GALNT13: variants seen among roughly 807,000 people sequenced by gnomAD.
GALNT13 encodes the protein UDP-GalNAc:polypeptide N-acetylgalactosaminyltransferase 13.
Under a neutral mutation model 64.2 loss-of-function variants are expected in GALNT13, and 28 were observed. The observed-to-expected ratio is 0.44, with a 90% CI of 0.32 to 0.60. GALNT13 has a LOEUF of 0.60. GALNT13 is among the 20% of genes least tolerant of loss of function. GALNT13 has a pLI of 0.05. For missense variants in GALNT13, 577 were observed against 669.8 expected (o/e 0.86, Z 1.53); for synonymous variants, 214 against 224.6 (o/e 0.95, Z 0.42).
At chr2:154,378,432 C>G (rs544784964) in intron 9 of GALNT13, among the ~76,000 whole-genome samples, 9 of 152,190 alleles carry the variant, frequency 5.9e-5, no homozygotes, top group African/African-American at 2.2e-4. Context: ...AACGCTTGAG[C>G]TCTAGGAAAT....
intron 12 of GALNT13, among the ~76,000 whole-genome samples, chr2:154,438,991 A>C (rs1245607842): frequency 6.6e-6 from 1 of 152,184 alleles, no homozygotes; most frequent in Non-Finnish European, 1.5e-5. Context: ...CATGCCAAAC[A>C]TAAATTAGGC....
At position 154,365,030 on chromosome 2, in the gene GALNT13, G is replaced by C. The variant is rs956905058; in HGVS notation, c.1157-30961G>C. Among the ~76,000 whole-genome samples, 3 of 152,234 alleles carry C rather than the reference G, an allele frequency of 2.0e-5. No homozygotes were observed. In the East Asian group the frequency reaches 5.8e-4, roughly 29 times the overall value. On this transcript the variant is annotated intron_variant, in intron 9 of 12. Transcript: ENST00000392825. ...TTGTACTTTTTGCAAAAATATAACT[G>C]CCAGTTTAGCACCTACTAGACAAAC...
At chr2:153,815,718 C>A in the GALNT13 span, among the ~76,000 whole-genome samples, 2 of 152,050 alleles carry the variant, frequency 1.3e-5, no homozygotes, top group African/African-American at 2.4e-5. Context: ...AGTAATAAAT[C>A]ATTTAGAAAA....
the GALNT13 span, among the ~76,000 whole-genome samples, chr2:153,865,409 C>T: frequency 2.8e-5 from 4 of 143,994 alleles, no homozygotes; most frequent in Admixed American, 2.9e-4. Context: ...GCAGCCTACT[C>T]ATCTGACAAA....
chr2:153,824,446 G>A, the GALNT13 span, among the ~76,000 whole-genome samples: 1 of 152,068 alleles, frequency 6.6e-6, no homozygotes, highest in Non-Finnish European at 1.5e-5. Flanking sequence ...ATTATATCCA[G>A]CATAATATCA....
At chr2:153,996,440 C>T (rs1401183796) in intron 3 of GALNT13, among the ~76,000 whole-genome samples, 2 of 151,878 alleles carry the variant, frequency 1.3e-5, no homozygotes, top group Admixed American at 1.3e-4. Context: ...TGTTGTTAAG[C>T]GTTTTTATCC....
chr2:153,929,270 CA>C (rs1257616735), intron 2 of GALNT13, among the ~76,000 whole-genome samples: 1 of 152,154 alleles, frequency 6.6e-6, no homozygotes, highest in African/African-American at 2.4e-5. Flanking sequence ...GGCATCACCC[CA>C]GGTTGTTAGA....
At chr2:154,154,134 A>C (rs902262446) in intron 4 of GALNT13, among the ~76,000 whole-genome samples, 2 of 152,192 alleles carry the variant, frequency 1.3e-5, no homozygotes, top group Admixed American at 1.3e-4. Context: ...TTTTTGTTCC[A>C]TGTGACTTAA....
chr2:154,154,049 G>A (rs1307776896), intron 4 of GALNT13, among the ~76,000 whole-genome samples: 1 of 152,172 alleles, frequency 6.6e-6, no homozygotes, highest in African/African-American at 2.4e-5. Flanking sequence ...CTGTAGACCA[G>A]AGCTGTTCCT....
At chr2:153,127,742 C>A in the GALNT13 span, among the ~76,000 whole-genome samples, 1 of 152,138 alleles carries the variant, frequency 6.6e-6, no homozygotes, top group Non-Finnish European at 1.5e-5. Context: ...TTTGCCACTT[C>A]TTGATCTATG....
At chr2:154,427,023 G>T (rs1700499864) in intron 11 of GALNT13, among the ~76,000 whole-genome samples, 1 of 152,142 alleles carries the variant, frequency 6.6e-6, no homozygotes, top group Admixed American at 6.5e-5. Flanking sequence ...AGGAAAAGAT[G>T]AGATAGAATA....
intron 3 of GALNT13, among the ~76,000 whole-genome samples, chr2:154,087,596 A>G (rs1230466271): frequency 6.6e-6 from 1 of 152,150 alleles, no homozygotes; most frequent in Non-Finnish European, 1.5e-5. Flanking sequence ...AAGCACAATT[A>G]TGTTTGCTTG....
At chr2:153,540,130 C>A in the GALNT13 span, among the ~76,000 whole-genome samples, 1 of 152,196 alleles carries the variant, frequency 6.6e-6, no homozygotes, top group East Asian at 1.9e-4. Context: ...TAAATCGGTT[C>A]TGTGGGCCTG....
the GALNT13 span, among the ~76,000 whole-genome samples, chr2:153,474,038 C>T: frequency 2.0e-5 from 3 of 152,178 alleles, no homozygotes; most frequent in African/African-American, 7.2e-5. Context: ...CTGTCATCTA[C>T]TCTGGCCTGG....
intron 2 of GALNT13, among the ~76,000 whole-genome samples, chr2:153,924,029 G>A (rs1689940144): frequency 6.6e-6 from 1 of 152,004 alleles, no homozygotes; most frequent in African/African-American, 2.4e-5. Flanking sequence ...ATAGCAGCAT[G>A]TCAATCATGA....
Position 153,972,343 on chromosome 2 carries a change from G to A in GALNT13, c.142+27704G>A, listed in dbSNP as rs147126648. ...CCCAAATCGCAAAGTGATTCAGTCCGGATATTGATGTGACACTAAGAACTC... is the reference window on the plus strand; with the variant it reads ...CCCAAATCGCAAAGTGATTCAGTCCAGATATTGATGTGACACTAAGAACTC... On this transcript the variant is annotated intron_variant, in intron 3 of 12. Transcript: ENST00000392825. 3.4e-4 allele frequency among the ~76,000 whole-genome samples: 51 copies of A among 152,092 alleles called. 2 individuals carry two copies. In the Middle Eastern group the frequency reaches 0.017, roughly 51 times the overall value.
the GALNT13 span, among the ~76,000 whole-genome samples, chr2:153,154,938 G>C: frequency 6.6e-6 from 1 of 152,128 alleles, no homozygotes; most frequent in Admixed American, 6.6e-5. Context: ...TAACATAAAT[G>C]GATGTTGAAT....
At chr2:154,113,816 G>T (rs1464300089) in intron 3 of GALNT13, among the ~76,000 whole-genome samples, 1 of 152,242 alleles carries the variant, frequency 6.6e-6, no homozygotes, top group Non-Finnish European at 1.5e-5. Context: ...GGACAGTAAA[G>T]GTGCATTGCT....
the GALNT13 span, among the ~76,000 whole-genome samples, chr2:153,286,722 G>T: frequency 6.6e-6 from 1 of 152,080 alleles, no homozygotes; most frequent in African/African-American, 2.4e-5. Context: ...CAACTAAATT[G>T]TATATCATTA....
Sources: allele counts gnomAD v4.1 joint callset (sites outside exome capture counted in the v4.1 genomes callset), GRCh38; gene constraint gnomAD v4.1.1; transcripts MANE v1.5; gene names NCBI Gene and HGNC (gene_info 2026-07-23, HGNC 2026-07-21).